ELAPOR1: variants seen among roughly 807,000 people sequenced by gnomAD.
ELAPOR1 encodes endosome-lysosome associated apoptosis and autophagy regulator 1.
A neutral mutation model predicts 119.7 loss-of-function variants in ELAPOR1; 77 were observed. That is an observed-to-expected ratio of 0.64 (90% CI 0.54 to 0.78). The LOEUF (loss-of-function observed/expected upper bound fraction) is 0.78, where lower values mean the gene tolerates loss of function less well. ELAPOR1 is among the 30% of genes least tolerant of loss of function. The pLI is 0.00. For synonymous variants in ELAPOR1, 481 were observed against 487.2 expected, an observed-to-expected ratio of 0.99 and a Z score of 0.17; for missense variants, 1,115 against 1,270.4, an observed-to-expected ratio of 0.88 and a Z score of 1.86.
In ELAPOR1 at chr1:109,192,676, T is replaced by C. The variant is rs658779; in HGVS notation, c.1749T>C (p.Gly583=). 0.76 allele frequency: 1,224,158 copies of C among 1,613,672 alleles called. 472,516 individuals carry two copies. The highest frequency in any genetic ancestry group is 1 in the East Asian group (44,849 of 44,884). ...TCAATGTCACCAATGTTATGAATGGTGTGGCCTCCTACTGCCGTCCCTGTG... is the reference window on the plus strand; with the variant it reads ...TCAATGTCACCAATGTTATGAATGGCGTGGCCTCCTACTGCCGTCCCTGTG... ...YSINVTNVMN[G]VASYCRPCAL... is the part of the protein sequence containing the mutation. Residue 583 remains glycine, a synonymous_variant, in exon 14 of 22, where the codon GGT becomes GGC. Coordinates refer to ENST00000369939, the MANE Select transcript of ELAPOR1 (RefSeq NM_020775.5).
In ELAPOR1 at chr1:109,191,394, G is replaced by C; in HGVS notation, c.1468G>C (p.Glu490Gln). ...RPPQSVMADT[E>Q]NKEVARITFV... is the part of the protein sequence containing the mutation. ...TCCGCAGTCGGTGATGGCAGACACAGAGAATAAAGAGGTGGCCAGAATCAC... is the reference window on the plus strand; with the variant it reads ...TCCGCAGTCGGTGATGGCAGACACACAGAATAAAGAGGTGGCCAGAATCAC... The change falls in exon 12 of 22, where the codon GAG becomes CAG. Residue 490 changes from glutamate to glutamine, a missense_variant. By Grantham distance (29) the Glu-to-Gln change is conservative. Transcript: ENST00000369939. 1 of 1,614,180 alleles carries C rather than the reference G, an allele frequency of 6.2e-7. No homozygotes were observed. The highest frequency in any genetic ancestry group is 8.5e-7 in the Non-Finnish European group (1 of 1,180,014).
intron 1 of ELAPOR1, among the ~76,000 whole-genome samples, chr1:109,134,789 G>T (rs1191054623): frequency 1.3e-5 from 2 of 152,138 alleles, no homozygotes; most frequent in African/African-American, 4.8e-5. Context: ...CTCCTTGCTA[G>T]GTGGGAAGGC....
intron 3 of ELAPOR1, among the ~76,000 whole-genome samples, chr1:109,166,109 G>A (rs1651584843): frequency 1.3e-5 from 2 of 152,060 alleles, no homozygotes; most frequent in Admixed American, 1.3e-4. Context: ...TAGAGATGGG[G>A]TTTCACCGTG....
intron 1 of ELAPOR1, among the ~76,000 whole-genome samples, chr1:109,129,941 C>T (rs1649044033): frequency 6.6e-6 from 1 of 152,118 alleles, no homozygotes; most frequent in Non-Finnish European, 1.5e-5. Context: ...AACCAAAGTG[C>T]CAGCAGGGCC....
At chr1:109,188,489 T>G (rs1337271775) in intron 9 of ELAPOR1, 135 bp downstream of exon 9, 10 of 975,864 alleles carry the variant, frequency 1.0e-5, no homozygotes, top group Non-Finnish European at 1.5e-5. Context: ...CAGGCCACCT[T>G]TGAGGACTAA....
At position 109,189,645 on chromosome 1, in the gene ELAPOR1, G is replaced by T; in HGVS notation, c.1402G>T (p.Asp468Tyr). The T allele has an allele frequency of 1.9e-6, 3 of 1,614,150 alleles. No homozygotes were observed. The highest frequency in any genetic ancestry group is 1.7e-6 in the Non-Finnish European group (2 of 1,180,022). The change falls in exon 11 of 22, where the codon GAC (aspartate) becomes TAC (tyrosine). Residue 468 changes from aspartate to tyrosine, a missense_variant. Physicochemically the swap from Asp to Tyr is radical, Grantham distance 160. Coordinates refer to ENST00000369939, the MANE Select transcript of ELAPOR1 (RefSeq NM_020775.5). ...IYTAAGASDN[D>Y]FMILTLVVPG... ...CACAGCTGCTGGAGCCTCAGACAAT[G>T]ACTTCATGATTCTCACTCTGGTTGT...
At chr1:109,169,035 C>T (rs958534261) in intron 3 of ELAPOR1, among the ~76,000 whole-genome samples, 14 of 152,094 alleles carry the variant, frequency 9.2e-5, no homozygotes, top group African/African-American at 3.4e-4. Flanking sequence ...TAGCTGATGT[C>T]GTGGAGCATA....
At chr1:109,125,568 T>C (rs1648721118) in intron 1 of ELAPOR1, among the ~76,000 whole-genome samples, 1 of 151,316 alleles carries the variant, frequency 6.6e-6, no homozygotes, top group Non-Finnish European at 1.5e-5. Context: ...GTATTTTTAG[T>C]AGAGACAGCA....
intron 1 of ELAPOR1, among the ~76,000 whole-genome samples, chr1:109,115,910 T>A (rs900523624): frequency 5.9e-5 from 9 of 152,204 alleles, no homozygotes; most frequent in Non-Finnish European, 1.2e-4. Flanking sequence ...ACTGGCTCAC[T>A]GGCCTTGATG....
intron 7 of ELAPOR1, among the ~76,000 whole-genome samples, chr1:109,182,783 C>T (rs947009647): frequency 2.0e-5 from 3 of 150,152 alleles, no homozygotes; most frequent in Admixed American, 6.7e-5. Context: ...AGGAGAATGG[C>T]GTGAACCCGG....
Position 109,143,715 on chromosome 1 carries a change from G to A in ELAPOR1, c.154-18179G>A, listed in dbSNP as rs556145402. 7.9e-5 allele frequency among the ~76,000 whole-genome samples: 12 copies of A among 152,100 alleles called. No homozygotes were observed. The South Asian group carries it at 2.1e-3, about 26-fold the overall frequency. On this transcript the variant is annotated intron_variant, in intron 1 of 21. Coordinates refer to ENST00000369939, the MANE Select transcript of ELAPOR1 (RefSeq NM_020775.5). Reference sequence around the variant, plus strand: ...GACAGGGTCTCACTTTGTCACCCAGGCTGGAGTGCAGTGGGACAAACACTG... The same window carrying A: ...GACAGGGTCTCACTTTGTCACCCAGACTGGAGTGCAGTGGGACAAACACTG...
At chr1:109,126,308 T>G (rs1169835260) in intron 1 of ELAPOR1, among the ~76,000 whole-genome samples, 1 of 152,078 alleles carries the variant, frequency 6.6e-6, no homozygotes, top group Non-Finnish European at 1.5e-5. Context: ...CTGAACCACA[T>G]AAACTTACAC....
At chr1:109,167,616 CT>C (rs1274760635) in intron 3 of ELAPOR1, among the ~76,000 whole-genome samples, 1 of 151,826 alleles carries the variant, frequency 6.6e-6, no homozygotes, top group Non-Finnish European at 1.5e-5. Flanking sequence ...TTTCTTTTTT[CT>C]TTTTTTTAAG....
chr1:109,173,873 G>C, intron 7 of ELAPOR1, 36 bp downstream of exon 7: 1 of 1,608,736 alleles, frequency 6.2e-7, no homozygotes, highest in Non-Finnish European at 8.5e-7. Context: ...TTTGGGGATA[G>C]AGAGTACCAC....
At chr1:109,194,232 T>A (rs1653632499) in intron 14 of ELAPOR1, among the ~76,000 whole-genome samples, 189 bp from the exon 15 acceptor site, 1 of 152,206 alleles carries the variant, frequency 6.6e-6, no homozygotes, top group African/African-American at 2.4e-5. Flanking sequence ...TGCTAATAAT[T>A]GAATGGCAAA....
At chr1:109,122,977 A>G (rs183780415) in intron 1 of ELAPOR1, among the ~76,000 whole-genome samples, 22 of 152,318 alleles carry the variant, frequency 1.4e-4, no homozygotes, top group Non-Finnish European at 2.6e-4. Flanking sequence ...CTTTTGCTGT[A>G]TAACAATCCA....
intron 15 of ELAPOR1, among the ~76,000 whole-genome samples, chr1:109,195,358 G>A (rs1309355975): frequency 6.6e-6 from 1 of 152,004 alleles, no homozygotes; most frequent in Non-Finnish European, 1.5e-5. Flanking sequence ...GCCGGGCGTG[G>A]TGGCGGGCAC....
intron 20 of ELAPOR1, 38 bp from the exon 21 acceptor site, chr1:109,200,697 T>C (rs750749194): frequency 6.3e-7 from 1 of 1,594,862 alleles, no homozygotes; most frequent in Non-Finnish European, 8.6e-7. Flanking sequence ...TATTCCCACA[T>C]TTTGGGATCT....
At chr1:109,147,920 C>T (rs1166060027) in intron 1 of ELAPOR1, among the ~76,000 whole-genome samples, 2 of 151,596 alleles carry the variant, frequency 1.3e-5, no homozygotes, top group Non-Finnish European at 2.9e-5. Context: ...AGCTCTGCCT[C>T]CTGGGTTCAC....
Sources: gnomAD v4.1 joint callset for allele counts (sites outside exome capture counted in the v4.1 genomes callset) on GRCh38, gnomAD v4.1.1 for gene constraint, MANE v1.5 for transcripts, NCBI Gene and HGNC (gene_info 2026-07-23, HGNC 2026-07-21) for gene names.